FA2H: variants seen among roughly 807,000 people sequenced by gnomAD.
FA2H encodes the protein fatty acid alpha-hydroxylase.
A neutral mutation model predicts 44.9 loss-of-function variants in FA2H; 22 were observed. The observed-to-expected ratio is 0.49, with a 90% CI of 0.35 to 0.70. The LOEUF is 0.70. FA2H is among the 30% of genes least tolerant of loss of function. FA2H has a pLI of 0.01. For missense variants in FA2H, 501 were observed against 504.9 expected (o/e 0.99, Z 0.07); for synonymous variants, 243 against 213.2 (o/e 1.14, Z -1.22).
intron 2 of FA2H, among the ~76,000 whole-genome samples, chr16:74,735,352 C>G (rs886801431): frequency 2.6e-5 from 4 of 152,184 alleles, no homozygotes; most frequent in African/African-American, 9.6e-5. Flanking sequence ...CTGGGACAAG[C>G]TGAAGTCCAC....
At chr16:74,730,156 T>C (rs527333005) in intron 2 of FA2H, among the ~76,000 whole-genome samples, 2 of 152,158 alleles carry the variant, frequency 1.3e-5, no homozygotes, top group African/African-American at 4.8e-5. Context: ...CATCACAGCC[T>C]GGGAGCAGGG....
At chr16:74,716,677 GA>G in intron 5 of FA2H, 78 bp from the exon 6 acceptor site, 1 of 1,466,476 alleles carries the variant, frequency 6.8e-7, no homozygotes, top group Non-Finnish European at 9.0e-7. Context: ...ACTCCCTGCA[GA>G]GGACAGGGGC....
chr16:74,770,693 C>G (rs1962889848), intron 1 of FA2H, among the ~76,000 whole-genome samples: 1 of 152,220 alleles, frequency 6.6e-6, no homozygotes, highest in Non-Finnish European at 1.5e-5. Context: ...AATTTAAAGA[C>G]AACCCTGTAC....
chr16:74,763,778 A>G (rs1013189138), intron 1 of FA2H, among the ~76,000 whole-genome samples: 2 of 152,244 alleles, frequency 1.3e-5, no homozygotes, highest in African/African-American at 4.8e-5. Context: ...TGCAGGTTGC[A>G]TGGTTCACTC....
rs56341013 is a variant in FA2H at position 74,720,180 on chromosome 16, C to CTTTTTTTTTTTTTTTTT, written c.614-1037_614-1021dup. ...TTTGCTCCATATATTCATCCTCATC[C>CTTTTTTTTTTTTTTTTT]TTTTTTTTTTTTTTTTTTTTTTTTT... is the stretch of plus-strand genomic sequence containing the variant. On this transcript the variant is annotated intron_variant, in intron 4 of 6. Transcript: ENST00000219368. 7.6e-4 allele frequency among the ~76,000 whole-genome samples: 36 copies of CTTTTTTTTTTTTTTTTT among 47,244 alleles called. 5 individuals are homozygous for CTTTTTTTTTTTTTTTTT. Among genetic ancestry groups the CTTTTTTTTTTTTTTTTT allele is most frequent in the Non-Finnish European group, 1.0e-3 (28 of 27,318 alleles). The allele number at this position is 47,244 out of a possible 152,430, so 31.0% of individuals were successfully genotyped here.
intron 2 of FA2H, among the ~76,000 whole-genome samples, chr16:74,739,429 G>A (rs560240761): frequency 4.9e-4 from 75 of 152,060 alleles, no homozygotes; most frequent in Admixed American, 1.0e-3. Flanking sequence ...CTTTTCCACC[G>A]TGACCGCTCA....
intron 1 of FA2H, among the ~76,000 whole-genome samples, chr16:74,755,957 C>A (rs1461129739): frequency 6.6e-6 from 1 of 152,198 alleles, no homozygotes; most frequent in Non-Finnish European, 1.5e-5. Flanking sequence ...AGATACAGAC[C>A]AGTTCCATCT....
chr16:74,724,752 G>A (rs1356534977), intron 4 of FA2H, among the ~76,000 whole-genome samples: 1 of 152,118 alleles, frequency 6.6e-6, no homozygotes. Context: ...TTAGCTCTCT[G>A]CCAAGGCCGT....
At chr16:74,717,457 G>A (rs959344740) in intron 5 of FA2H, among the ~76,000 whole-genome samples, 4 of 152,226 alleles carry the variant, frequency 2.6e-5, no homozygotes, top group Admixed American at 2.6e-4. Context: ...GAAATAAAGG[G>A]AGGGAGGGAG....
chr16:74,762,394 G>C (rs1425268330), intron 1 of FA2H, among the ~76,000 whole-genome samples: 1 of 152,102 alleles, frequency 6.6e-6, no homozygotes, highest in Non-Finnish European at 1.5e-5. Context: ...AACACGACTT[G>C]ACTCATTATT....
At chr16:74,744,489 T>C (rs958190880) in intron 1 of FA2H, among the ~76,000 whole-genome samples, 1 of 150,614 alleles carries the variant, frequency 6.6e-6, no homozygotes, top group Non-Finnish European at 1.5e-5. Context: ...TCTCAGTCTG[T>C]TACCCAGGCT....
intron 2 of FA2H, among the ~76,000 whole-genome samples, chr16:74,731,992 C>A (rs1346966720): frequency 1.3e-5 from 2 of 152,204 alleles, no homozygotes; most frequent in Admixed American, 1.3e-4. Context: ...CCCACCTCAG[C>A]TTCCCGAGTA....
intron 2 of FA2H, among the ~76,000 whole-genome samples, chr16:74,736,795 G>T (rs963432460): frequency 6.6e-6 from 1 of 152,092 alleles, no homozygotes; most frequent in East Asian, 1.9e-4. Context: ...CCTACTCACC[G>T]GCCTCAGGGT....
At chr16:74,740,334 C>T (rs1962266987) in intron 1 of FA2H, among the ~76,000 whole-genome samples, 1 of 152,008 alleles carries the variant, frequency 6.6e-6, no homozygotes, top group Non-Finnish European at 1.5e-5. Flanking sequence ...AAATAATTTC[C>T]AGCCGGGCGC....
intron 4 of FA2H, among the ~76,000 whole-genome samples, 198 bp from the exon 5 acceptor site, chr16:74,719,358 C>G (rs1180430942): frequency 6.6e-6 from 1 of 152,152 alleles, no homozygotes; most frequent in African/African-American, 2.4e-5. Flanking sequence ...TCTGGGAAGT[C>G]CTTTACAGGA....
chr16:74,772,024 C>T (rs1485666002), intron 1 of FA2H, among the ~76,000 whole-genome samples: 3 of 150,992 alleles, frequency 2.0e-5, no homozygotes, highest in African/African-American at 4.9e-5. Flanking sequence ...GATCTTGGCT[C>T]ACTGCAACCT....
chr16:74,719,437 G>T (rs1408254485), intron 4 of FA2H, among the ~76,000 whole-genome samples: 4 of 152,224 alleles, frequency 2.6e-5, no homozygotes, highest in Non-Finnish European at 5.9e-5. Context: ...GCTGTGGCTG[G>T]GGCTGGGCCT....
chr16:74,748,259 C>G (rs551508530), intron 1 of FA2H, among the ~76,000 whole-genome samples: 2 of 152,334 alleles, frequency 1.3e-5, no homozygotes, highest in Admixed American at 1.3e-4. Context: ...GCAAACGCCG[C>G]CCTCTTTAGT....
At chr16:74,720,180 C>CTTTTTTTT (rs56341013) in intron 4 of FA2H, among the ~76,000 whole-genome samples, 894 of 47,272 alleles carry the variant, frequency 0.019, 141 homozygotes, top group Non-Finnish European at 0.027. Flanking sequence ...CATCCTCATC[C>CTTTTTTTT]TTTTTTTTTT....
Sources: gnomAD v4.1 joint callset for allele counts (sites outside exome capture counted in the v4.1 genomes callset) on GRCh38, gnomAD v4.1.1 for gene constraint, MANE v1.5 for transcripts, NCBI Gene and HGNC (gene_info 2026-07-23, HGNC 2026-07-21) for gene names.